Variants in LRP1B observed in about 807,000 individuals in gnomAD.
LRP1B encodes low-density lipoprotein receptor-related protein 1B.
Under a neutral mutation model 556.6 loss-of-function variants are expected in LRP1B, and 217 were observed. The observed-to-expected ratio is 0.39, with a 90% CI of 0.35 to 0.44. The LOEUF is 0.44. LRP1B is among the 20% of genes least tolerant of loss of function. The pLI, the probability that LRP1B is intolerant of heterozygous loss-of-function variation, is 1.00. For missense variants in LRP1B, 5,053 were observed against 5,620.8 expected, an observed-to-expected ratio of 0.90 and a Z score of 3.23; for synonymous variants, 2,047 against 1,865.8, an observed-to-expected ratio of 1.10 and a Z score of -2.50.
chr2:140,311,170 C>A (rs1490108093), intron 83 of LRP1B, among the ~76,000 whole-genome samples: 1 of 151,602 alleles, frequency 6.6e-6, no homozygotes, highest in Non-Finnish European at 1.5e-5. Context: ...AATCCCACTA[C>A]TGAGTATATT....
chr2:141,506,643 T>C (rs1683943090), intron 2 of LRP1B, among the ~76,000 whole-genome samples: 1 of 152,096 alleles, frequency 6.6e-6, no homozygotes, highest in Admixed American at 6.6e-5. Context: ...TTTTATAAAG[T>C]AGTCTACTCT....
intron 1 of LRP1B, among the ~76,000 whole-genome samples, chr2:142,125,753 T>C (rs948153399): frequency 2.0e-5 from 3 of 151,844 alleles, no homozygotes; most frequent in Admixed American, 6.6e-5. Flanking sequence ...TGTGAAAATG[T>C]ATAGCAACTC....
At chr2:141,610,091 T>G (rs922302391) in intron 2 of LRP1B, among the ~76,000 whole-genome samples, 1 of 152,148 alleles carries the variant, frequency 6.6e-6, no homozygotes, top group Non-Finnish European at 1.5e-5. Context: ...ATGCAACTAT[T>G]TGCAGCTCTC....
intron 72 of LRP1B, among the ~76,000 whole-genome samples, chr2:140,362,074 A>G (rs558312128): frequency 3.8e-4 from 58 of 151,690 alleles, no homozygotes; most frequent in African/African-American, 1.3e-3. Flanking sequence ...CTTTTATATC[A>G]TCTTCAAATC....
chr2:140,285,739 T>C (rs1445373096), intron 84 of LRP1B, among the ~76,000 whole-genome samples: 1 of 151,812 alleles, frequency 6.6e-6, no homozygotes, highest in African/African-American at 2.4e-5. Flanking sequence ...TCAATCACTG[T>C]AATTAATCAA....
chr2:141,724,721 G>T (rs548624150), intron 2 of LRP1B, among the ~76,000 whole-genome samples: 1 of 151,894 alleles, frequency 6.6e-6, no homozygotes, highest in East Asian at 1.9e-4. Context: ...AAGGTGGGGA[G>T]AAGGAAAGTA....
rs2104935010 is a variant in LRP1B, at chr2:140,769,339, C to G, written c.5632G>C (p.Glu1878Gln). 6.2e-7 allele frequency: 1 copy of G among 1,603,862 alleles called. No individual in the cohort carries two copies. Among genetic ancestry groups the G allele is most frequent in the Non-Finnish European group, 8.5e-7 (1 of 1,175,538 alleles). ...QKNRMSCQGI[E>Q]SFLMYSVHEG... ...TGAACAGAGTACATAAGAAATGATT[C>G]TATACCTAAATGCAGGGCCGGAGAT... The change falls in exon 35 of 91, where the codon GAA becomes CAA. Residue 1878 changes from glutamate to glutamine, a missense_variant. Physicochemically the swap from Glu to Gln is conservative, Grantham distance 29. Coordinates refer to ENST00000389484, the MANE Select transcript of LRP1B (RefSeq NM_018557.3).
chr2:140,939,885 A>AT (rs3063651), intron 20 of LRP1B, among the ~76,000 whole-genome samples: 68,226 of 132,452 alleles, frequency 0.52, 18,854 homozygotes, highest in Non-Finnish European at 0.6. Flanking sequence ...ATTTGGTGTA[A>AT]TTTTTTTTTT....
chr2:140,899,352 A>G (rs77396725), intron 23 of LRP1B, among the ~76,000 whole-genome samples: 7,092 of 152,286 alleles, frequency 0.047, 181 homozygotes, highest in Non-Finnish European at 0.052. Flanking sequence ...TGGGTATGAC[A>G]ATGAGCAAGG....
At chr2:141,034,010 G>A (rs2105419567) in intron 11 of LRP1B, among the ~76,000 whole-genome samples, 1 of 152,114 alleles carries the variant, frequency 6.6e-6, no homozygotes, top group Non-Finnish European at 1.5e-5. Flanking sequence ...TAGCTGGGAT[G>A]GATTGAACTG....
At chr2:141,594,207 GC>G (rs1220760467) in intron 2 of LRP1B, among the ~76,000 whole-genome samples, 21 of 152,144 alleles carry the variant, frequency 1.4e-4, no homozygotes, top group Non-Finnish European at 1.8e-4. Flanking sequence ...TTTGCTGAGA[GC>G]TTTCCTTTTG....
At chr2:140,332,053 G>T (rs1371812814) in intron 79 of LRP1B, among the ~76,000 whole-genome samples, 1 of 151,918 alleles carries the variant, frequency 6.6e-6, no homozygotes, top group Non-Finnish European at 1.5e-5. Flanking sequence ...ATTCATTTCT[G>T]AGGTCTCACA....
chr2:141,111,674 T>C (rs1036842540), intron 7 of LRP1B, among the ~76,000 whole-genome samples: 1 of 152,102 alleles, frequency 6.6e-6, no homozygotes, highest in African/African-American at 2.4e-5. Context: ...GTAAAAGCCC[T>C]TGGATTCAAC....
At chr2:140,891,036 A>AC (rs1469963629) in intron 23 of LRP1B, among the ~76,000 whole-genome samples, 5 of 152,142 alleles carry the variant, frequency 3.3e-5, no homozygotes, top group Admixed American at 2.0e-4. Flanking sequence ...AAACGACTGA[A>AC]TTTAACAGCT....
At chr2:141,163,410 C>T (rs111576975) in intron 7 of LRP1B, among the ~76,000 whole-genome samples, 20 of 152,150 alleles carry the variant, frequency 1.3e-4, no homozygotes, top group African/African-American at 4.8e-4. Flanking sequence ...ATTCTACTGA[C>T]TGATGATCAT....
intron 15 of LRP1B, among the ~76,000 whole-genome samples, chr2:141,001,733 G>C (rs1697431094): frequency 6.6e-6 from 1 of 152,122 alleles, no homozygotes; most frequent in Non-Finnish European, 1.5e-5. Context: ...TAGAGCAAAG[G>C]CATGATGAGA....
chr2:141,841,819 C>T (rs916987811), intron 1 of LRP1B, among the ~76,000 whole-genome samples: 3 of 152,074 alleles, frequency 2.0e-5, no homozygotes, highest in African/African-American at 7.2e-5. Context: ...GAAAATATTA[C>T]ATCATATAAT....
intron 41 of LRP1B, among the ~76,000 whole-genome samples, chr2:140,617,351 C>CG (rs1250812165): frequency 6.6e-6 from 1 of 151,880 alleles, no homozygotes; most frequent in African/African-American, 2.4e-5. Context: ...AGAAACTCAA[C>CG]TGCGTTTTGC....
intron 20 of LRP1B, among the ~76,000 whole-genome samples, chr2:140,927,800 G>A (rs529766316): frequency 5.0e-4 from 73 of 146,608 alleles, no homozygotes; most frequent in Middle Eastern, 3.7e-3. Context: ...TCTGCCTCCC[G>A]GGTTCAAGTG....
Sources: allele counts gnomAD v4.1 joint callset (sites outside exome capture counted in the v4.1 genomes callset), GRCh38; gene constraint gnomAD v4.1.1; transcripts MANE v1.5; gene names NCBI Gene and HGNC (gene_info 2026-07-23, HGNC 2026-07-21).